Variants in MASP1 observed in about 807,000 individuals in gnomAD.
MASP1 encodes MBL associated serine protease 1.
MASP1 carries 59 observed loss-of-function variants against 77.1 expected under a neutral mutation model. That is an observed-to-expected ratio of 0.77 (90% confidence interval 0.62 to 0.95). The LOEUF is 0.95. Ranked by LOEUF, MASP1 falls within the 40% of genes least tolerant of loss-of-function variation. The pLI, the probability that MASP1 is intolerant of heterozygous loss-of-function variation, is 0.00. For missense variants in MASP1, 885 were observed against 912.9 expected (o/e 0.97, Z 0.39); for synonymous variants, 362 against 354.5 (o/e 1.02, Z -0.24).
At position 187,241,712 on chromosome 3, in the gene MASP1, G is replaced by A. The variant is rs1713655592; in HGVS notation, c.1229-157C>T. Reference sequence around the variant, plus strand: ...GATACGATTGTCTCTGAGCCTAGATGTACTAAGAAGAATGAGGAAGAATGT... The same window carrying A: ...GATACGATTGTCTCTGAGCCTAGATATACTAAGAAGAATGAGGAAGAATGT... On this transcript the variant is annotated intron_variant, in intron 9 of 10. Transcript: ENST00000296280. 1.8e-5 allele frequency: 11 copies of A among 617,322 alleles called. No individual in the cohort carries two copies. In the Admixed American group the frequency reaches 2.6e-4, roughly 15 times the overall value. 38.2% of individuals were successfully genotyped at this position (617,322 alleles called of 1,614,324 possible).
intron 8 of MASP1, chr3:187,247,133 G>A (rs994476996): frequency 1.6e-5 from 23 of 1,452,448 alleles, no homozygotes; most frequent in Admixed American, 1.6e-4. Flanking sequence ...TGAATGATGG[G>A]CAAACCCTCA....
intron 15 of MASP1, among the ~76,000 whole-genome samples, chr3:187,220,492 C>CTTTTTTTTTTTTT (rs747532550): frequency 3.0e-5 from 4 of 134,562 alleles, no homozygotes; most frequent in Non-Finnish European, 6.2e-5. Context: ...TTTCTTTTTT[C>CTTTTTTTTTTTTT]TTTCTTTTTT....
intron 5 of MASP1, 54 bp from the exon 6 acceptor site, chr3:187,253,369 A>C (rs770694295): frequency 1.3e-6 from 2 of 1,595,982 alleles, no homozygotes; most frequent in Non-Finnish European, 1.7e-6. Context: ...TGAGCAGCCA[A>C]AATGGCCACT....
intron 2 of MASP1, among the ~76,000 whole-genome samples, chr3:187,273,568 A>G (rs1160581632): frequency 6.6e-6 from 1 of 152,170 alleles, no homozygotes. Context: ...TCATTGTGCG[A>G]GCTCGGTACT....
At chr3:187,262,464 T>C in intron 3 of MASP1, 79 bp downstream of exon 3, 4 of 1,402,794 alleles carry the variant, frequency 2.9e-6, no homozygotes, top group Middle Eastern at 1.8e-4. Context: ...ATTTCCATCG[T>C]AAAGGAGAGG....
Position 187,235,072 on chromosome 3 carries a change from T to A in MASP1, c.*612A>T. 1 of 1,287,272 alleles carries A rather than the reference T, an allele frequency of 7.8e-7. No homozygotes were observed. The highest frequency in any genetic ancestry group is 1.5e-5 in the African/African-American group (1 of 65,918). 79.7% of individuals were successfully genotyped at this position (1,287,272 alleles called of 1,614,324 possible). Reference sequence around the variant, plus strand: ...AATGGGGAACATAAGGGATAAGGCTTAGACTGCAAGAAGCTTTTGGGAGAG... The same window carrying A: ...AATGGGGAACATAAGGGATAAGGCTAAGACTGCAAGAAGCTTTTGGGAGAG... On this transcript the variant is annotated 3_prime_UTR_variant, in exon 11 of 11. Transcript: ENST00000296280.
chr3:187,224,814 C>T (rs1413129714), intron 13 of MASP1, among the ~76,000 whole-genome samples: 2 of 152,214 alleles, frequency 1.3e-5, no homozygotes, highest in Non-Finnish European at 2.9e-5. Flanking sequence ...TGGCTGTTGG[C>T]ATCATCCCTG....
intron 2 of MASP1, among the ~76,000 whole-genome samples, chr3:187,277,838 A>G (rs1172114708): frequency 3.9e-5 from 6 of 152,248 alleles, no homozygotes; most frequent in Non-Finnish European, 8.8e-5. Flanking sequence ...GGTAAATACA[A>G]AGGAGAAATA....
intron 9 of MASP1, 159 bp from the exon 10 acceptor site, chr3:187,241,714 A>G (rs1713656340): frequency 1.6e-6 from 1 of 613,752 alleles, no homozygotes. Context: ...GCCTAGATGT[A>G]CTAAGAAGAA....
At chr3:187,223,540 GC>G (rs1455873163) in intron 13 of MASP1, among the ~76,000 whole-genome samples, 1 of 152,184 alleles carries the variant, frequency 6.6e-6, no homozygotes, top group Non-Finnish European at 1.5e-5. Flanking sequence ...CATAGTAGGT[GC>G]TCAATCAAGA....
chr3:187,277,447 C>T (rs951421364), intron 2 of MASP1, among the ~76,000 whole-genome samples: 1 of 152,070 alleles, frequency 6.6e-6, no homozygotes, highest in Non-Finnish European at 1.5e-5. Flanking sequence ...TTTTTTCTCT[C>T]AAAGGATAAA....
chr3:187,220,376 G>A (rs560689943), intron 15 of MASP1: 28 of 897,794 alleles, frequency 3.1e-5, no homozygotes, highest in African/African-American at 1.2e-4. Flanking sequence ...ATAGCAGACC[G>A]TTGGACCCAA....
At chr3:187,247,486 A>C in intron 8 of MASP1, 1 of 1,310,118 alleles carries the variant, frequency 7.6e-7, no homozygotes, top group Non-Finnish European at 1.1e-6. Flanking sequence ...AAGCAGAAAC[A>C]GTTTATGCAG....
chr3:187,291,334 C>G (rs563044827), intron 1 of MASP1: 2 of 515,848 alleles, frequency 3.9e-6, no homozygotes, highest in South Asian at 4.1e-5. Context: ...GAGTCACATT[C>G]GCCAGCAGGC....
chr3:187,239,763 T>C lies in MASP1; in HGVS notation c.1303+1718A>G, dbSNP rs868076662. On this transcript the variant is annotated intron_variant, in intron 10 of 10. Transcript: ENST00000296280. ...GGAATGGGTGGGATGAACATTCCCT[T>C]ATTCCACATCCTCATAAGTTTTTCT... Among the ~76,000 whole-genome samples the C allele has an allele frequency of 2.8e-4, 43 of 152,322 alleles. 2 individuals are homozygous for C. In the Middle Eastern group the frequency reaches 0.027, roughly 96 times the overall value.
intron 5 of MASP1, among the ~76,000 whole-genome samples, chr3:187,255,747 C>T (rs557669805): frequency 3.3e-5 from 5 of 152,206 alleles, no homozygotes; most frequent in Non-Finnish European, 5.9e-5. Context: ...TTCTCCTGGG[C>T]AGTCTCATTT....
chr3:187,289,746 T>C (rs1718156894), intron 1 of MASP1, among the ~76,000 whole-genome samples: 2 of 152,190 alleles, frequency 1.3e-5, no homozygotes, highest in South Asian at 4.1e-4. Flanking sequence ...TGGAATATAG[T>C]AGAAAAAATC....
At chr3:187,263,478 T>C (rs1444795045) in intron 2 of MASP1, among the ~76,000 whole-genome samples, 2 of 152,062 alleles carry the variant, frequency 1.3e-5, no homozygotes, top group Non-Finnish European at 2.9e-5. Context: ...GTGGGGATTG[T>C]AGGAGGAGAT....
chr3:187,253,059 C>T lies in MASP1; in HGVS notation c.892+109G>A, dbSNP rs988199468. 8 of 1,431,606 alleles carry T rather than the reference C, an allele frequency of 5.6e-6. No individual in the cohort carries two copies. The African/African-American group carries it at 9.8e-5, about 18-fold the overall frequency. The allele number at this position is 1,431,606 out of a possible 1,614,324, so 88.7% of individuals were successfully genotyped here. On this transcript the variant is annotated intron_variant, in intron 6 of 10. Coordinates refer to ENST00000296280, the MANE Select transcript of MASP1 (RefSeq NM_139125.4). ...GTCCCCAGCTGCTCAACTGGGAGTC[C>T]CATCAGGTCTCCAGAGGAGATCCAA...
Sources: gnomAD v4.1 joint callset for allele counts (sites outside exome capture counted in the v4.1 genomes callset) on GRCh38, gnomAD v4.1.1 for gene constraint, MANE v1.5 for transcripts, NCBI Gene and HGNC (gene_info 2026-07-23, HGNC 2026-07-21) for gene names.